The following RNF213 variants were observed in gnomAD, a reference collection of about 807,000 sequenced individuals.
RNF213 encodes ring finger protein 213, also known as E3 ubiquitin-protein ligase RNF213.
In RNF213, 341 loss-of-function variants were observed where a neutral mutation model predicts 514.4. That is an observed-to-expected ratio of 0.66 (90% CI 0.61 to 0.73). The LOEUF is 0.73. Among genes scored for constraint, RNF213 ranks in the 30% least tolerant of loss-of-function variants. The pLI, the probability that RNF213 is intolerant of heterozygous loss-of-function variation, is 0.00. For synonymous variants in RNF213, 2,655 were observed against 2,658.2 expected (o/e 1.00, Z 0.04); for missense variants, 5,767 against 6,615.6 (o/e 0.87, Z 4.45).
intron 11 of RNF213, among the ~76,000 whole-genome samples, chr17:80,301,602 T>C (rs2045181725): frequency 6.6e-6 from 1 of 152,184 alleles, no homozygotes; most frequent in African/African-American, 2.4e-5. Flanking sequence ...GATATGGTCT[T>C]ACCCAAGTTA....
intron 8 of RNF213, 72 bp downstream of exon 8, chr17:80,291,899 T>C: frequency 6.5e-7 from 1 of 1,529,606 alleles, no homozygotes; most frequent in South Asian, 1.1e-5. Context: ...ACTGGACGCG[T>C]CTCTCTGGAG....
At position 80,396,363 on chromosome 17, in the gene RNF213, T is replaced by A. The variant is rs970957211; in HGVS notation, c.*2865T>A. 2 of 152,222 alleles carry A rather than the reference T, an allele frequency of 1.3e-5. No homozygotes were observed. Among genetic ancestry groups the A allele is most frequent in the African/African-American group, 4.8e-5 (2 of 41,452 alleles). 9.4% of individuals were successfully genotyped at this position (152,222 alleles called of 1,614,324 possible). On this transcript the variant is annotated 3_prime_UTR_variant, in exon 68 of 68. Transcript: ENST00000582970. ...TGTGTTAACCGAGACGGCCCTGAGC[T>A]ATTTCAGTTACTCCTGTATGTTCAG...
At chr17:80,372,315 T>C (rs1275155689) in intron 47 of RNF213, among the ~76,000 whole-genome samples, 1 of 152,150 alleles carries the variant, frequency 6.6e-6, no homozygotes, top group Non-Finnish European at 1.5e-5. Context: ...TAATTTTTTT[T>C]CCTCATAGGT....
At chr17:80,368,942 A>G (rs1042074562) in intron 44 of RNF213, among the ~76,000 whole-genome samples, 6 of 152,280 alleles carry the variant, frequency 3.9e-5, no homozygotes, top group Admixed American at 2.6e-4. Flanking sequence ...AGGCAAGCCC[A>G]GTGGATGGGT....
At position 80,398,539 on chromosome 17, in the gene RNF213, A is replaced by G. The variant is rs2080704932; in HGVS notation, c.*5041A>G. On this transcript the variant is annotated 3_prime_UTR_variant, in exon 68 of 68. Transcript: ENST00000582970. ...AAAGGTATGGCACAAGGTAACCTGT[A>G]AGCCAGGGTACCCACACCAGTTCCC... 6.6e-6 allele frequency: 1 copy of G among 152,208 alleles called. No individual in the cohort carries two copies. Among genetic ancestry groups the G allele is most frequent in the Admixed American group, 6.5e-5 (1 of 15,270 alleles). 9.4% of individuals were successfully genotyped at this position (152,208 alleles called of 1,614,324 possible).
chr17:80,319,991 G>T, intron 17 of RNF213: 1 of 1,025,870 alleles, frequency 9.7e-7, no homozygotes, highest in Non-Finnish European at 1.2e-6. Flanking sequence ...CTTTGATAAG[G>T]TTTTCCTTTC....
intron 32 of RNF213, 84 bp downstream of exon 32, chr17:80,351,887 G>A: frequency 1.3e-6 from 1 of 785,498 alleles, no homozygotes; most frequent in Non-Finnish European, 2.1e-6. Context: ...ATGGAGTCTT[G>A]CTCTGTCACC....
chr17:80,393,527 CT>C lies in RNF213; in HGVS notation c.*32del. On this transcript the variant is annotated 3_prime_UTR_variant, in exon 68 of 68. Coordinates refer to ENST00000582970, the MANE Select transcript of RNF213 (RefSeq NM_001256071.3). ...TATTTCCTCAGCTATCTTTGGATGA[CT>C]TTGGAGAGAAGACTCCTCTCTCCTC... 1 of 1,612,410 alleles carries C rather than the reference CT, an allele frequency of 6.2e-7. No individual in the cohort carries two copies. The highest frequency in any genetic ancestry group is 8.5e-7 in the Non-Finnish European group (1 of 1,179,142).
At chr17:80,334,984 C>T (rs1447185671) in intron 22 of RNF213, among the ~76,000 whole-genome samples, 2 of 147,082 alleles carry the variant, frequency 1.4e-5, no homozygotes, top group African/African-American at 2.5e-5. Flanking sequence ...TGCAGTGGTG[C>T]AATCTCGGCT....
intron 50 of RNF213, among the ~76,000 whole-genome samples, chr17:80,375,551 AAAG>A (rs202049391): frequency 0.038 from 5,810 of 151,248 alleles, 134 homozygotes; most frequent in East Asian, 0.15. Flanking sequence ...AGAAAAAAAA[AAAG>A]AATTAGCCGG....
rs1386275252 is a variant in RNF213 at position 80,376,283 on chromosome 17, A to C, written c.13186-18A>C. 1.2e-6 allele frequency: 2 copies of C among 1,613,828 alleles called. No homozygotes were observed. Among genetic ancestry groups the C allele is most frequent in the Non-Finnish European group, 1.7e-6 (2 of 1,179,834 alleles). ...ATATTCTTTGATACATCTTAATGTT[A>C]AGTTTTTTTCCTGTCAGCAATGTGA... On this transcript the variant is annotated intron_variant, in intron 51 of 67. Transcript: ENST00000582970.
At chr17:80,277,078 A>C (rs543648652) in intron 3 of RNF213, among the ~76,000 whole-genome samples, 226 of 152,062 alleles carry the variant, frequency 1.5e-3, no homozygotes, top group Middle Eastern at 3.4e-3. Flanking sequence ...ACAAACCAAA[A>C]AAAAAACAAA....
chr17:80,393,296 C>G, intron 67 of RNF213, 49 bp from the exon 68 acceptor site: 1 of 1,578,206 alleles, frequency 6.3e-7, no homozygotes, highest in South Asian at 1.1e-5. Context: ...ACACGTGAGC[C>G]ACCATGCTGA....
At position 80,350,195 on chromosome 17, in the gene RNF213, G is replaced by A. The variant is rs1351414974; in HGVS notation, c.10089-106G>A. On this transcript the variant is annotated intron_variant, in intron 30 of 67. Transcript: ENST00000582970. ...TCTTACTGAAGAAAATCCTACCTGA[G>A]TAGCTGTTTCTTTGTAGCCTTTATG... The A allele has an allele frequency of 8.6e-6, 7 of 815,876 alleles. No individual in the cohort carries two copies. In the South Asian group the frequency reaches 1.0e-4, roughly 12 times the overall value. 50.5% of individuals were successfully genotyped at this position (815,876 alleles called of 1,614,324 possible). A position where few individuals can be genotyped will look rare whatever the true frequency, so the allele number is the denominator to read the frequency against.
At chr17:80,313,861 T>A (rs111171109) in intron 15 of RNF213, among the ~76,000 whole-genome samples, 2 of 108,022 alleles carry the variant, frequency 1.9e-5, no homozygotes, top group East Asian at 2.5e-4. Context: ...GAGGTGATGG[T>A]GGTGGTGAAG....
intron 42 of RNF213, among the ~76,000 whole-genome samples, chr17:80,366,679 A>C (rs2079287434): frequency 6.6e-6 from 1 of 151,508 alleles, no homozygotes; most frequent in Non-Finnish European, 1.5e-5. Context: ...AAAAAAAAAA[A>C]AATCTGTAAA....
intron 54 of RNF213, chr17:80,379,354 T>C: frequency 2.1e-6 from 1 of 484,076 alleles, no homozygotes; most frequent in South Asian, 2.1e-5. Flanking sequence ...GAATTTTATA[T>C]ATTTGTCTAT....
intron 26 of RNF213, 188 bp downstream of exon 26, chr17:80,340,544 G>T: frequency 1.7e-6 from 1 of 597,486 alleles, no homozygotes. Context: ...CTCCCACAAT[G>T]GGTATTCCCT....
At position 80,332,514 on chromosome 17, in the gene RNF213, G is replaced by T. The variant is rs1296112924; in HGVS notation, c.4026G>T (p.Gln1342His). Residue 1342 changes from glutamine (Q) to histidine (H), a missense_variant, in exon 21 of 68, where the codon CAG becomes CAT. By Grantham distance (24) the Gln-to-His change is conservative. Coordinates refer to ENST00000582970, the MANE Select transcript of RNF213 (RefSeq NM_001256071.3). Reference protein sequence around the residue: ...QRDWIKDRVEQIKEYHHLHQA... With the variant: ...QRDWIKDRVEHIKEYHHLHQA... ...ATTGGATCAAGGACCGAGTCGAACA[G>T]ATCAAGGAATACCATCACCTGCACC... 6.5e-7 allele frequency: 1 copy of T among 1,537,074 alleles called. No individual in the cohort carries two copies. Among genetic ancestry groups the T allele is most frequent in the Non-Finnish European group, 8.7e-7 (1 of 1,146,854 alleles).
Sources: gnomAD v4.1 joint callset for allele counts (sites outside exome capture counted in the v4.1 genomes callset) on GRCh38, gnomAD v4.1.1 for gene constraint, MANE v1.5 for transcripts, NCBI Gene and HGNC (gene_info 2026-07-23, HGNC 2026-07-21) for gene names.